ZPBP: variants seen among roughly 807,000 people sequenced by gnomAD.
ZPBP encodes the protein zona pellucida binding protein.
Under a neutral mutation model 44.8 loss-of-function variants are expected in ZPBP, and 26 were observed. That is an observed-to-expected ratio of 0.58 (90% CI 0.43 to 0.81). ZPBP has a LOEUF of 0.81. Among genes scored for constraint, ZPBP ranks in the 30% least tolerant of loss-of-function variants. The pLI, the probability that ZPBP is intolerant of heterozygous loss-of-function variation, is 0.00. For missense variants in ZPBP, 409 were observed against 434.0 expected, an observed-to-expected ratio of 0.94 and a Z score of 0.51; for synonymous variants, 174 against 153.2, an observed-to-expected ratio of 1.14 and a Z score of -1.00.
At chr7:49,852,083 C>T (rs1376845052) in intron 2 of ZPBP, among the ~76,000 whole-genome samples, 1 of 152,176 alleles carries the variant, frequency 6.6e-6, no homozygotes, top group Non-Finnish European at 1.5e-5. Context: ...GCTGGGAGCC[C>T]GACAGAGGCC....
chr7:50,065,743 G>C lies in ZPBP; in HGVS notation c.335-7602C>G, dbSNP rs752794165. On this transcript the variant is annotated intron_variant, in intron 3 of 7. Coordinates refer to ENST00000046087, the MANE Select transcript of ZPBP (RefSeq NM_007009.3). ...GAGCAAATATCGTTTTGGTTGATGG[G>C]AGAAGCTCAGGCACTGACTGATTAA... is the stretch of plus-strand genomic sequence containing the variant. Among the ~76,000 whole-genome samples, 5 of 150,932 alleles carry C rather than the reference G, an allele frequency of 3.3e-5. 1 individual carries two copies. Among genetic ancestry groups the C allele is most frequent in the Non-Finnish European group, 7.4e-5 (5 of 67,756 alleles).
intron 1 of ZPBP, among the ~76,000 whole-genome samples, chr7:49,907,920 T>C (rs1429784797): frequency 6.6e-6 from 1 of 152,140 alleles, no homozygotes; most frequent in East Asian, 1.9e-4. Flanking sequence ...TCAGAGCTCT[T>C]ATCAGACCTA....
intron 7 of ZPBP, chr7:49,943,354 G>A (rs1350130941): frequency 2.7e-5 from 9 of 335,072 alleles, no homozygotes; most frequent in Non-Finnish European, 5.2e-5. Context: ...AACCTGAACA[G>A]TCAATGAAGC....
At chr7:49,925,939 G>T (rs777863617) in intron 1 of ZPBP, among the ~76,000 whole-genome samples, 17 of 152,198 alleles carry the variant, frequency 1.1e-4, no homozygotes, top group Non-Finnish European at 2.1e-4. Context: ...GATTGTTGTG[G>T]GTAATTTGGA....
At chr7:49,882,660 TC>T (rs797016411) in intron 2 of ZPBP, among the ~76,000 whole-genome samples, 17 of 152,140 alleles carry the variant, frequency 1.1e-4, no homozygotes, top group African/African-American at 4.1e-4. Flanking sequence ...CTACGTCTCA[TC>T]CCTGGTGAGC....
chr7:49,851,078 G>A (rs1378294669), intron 2 of ZPBP, among the ~76,000 whole-genome samples: 2 of 152,170 alleles, frequency 1.3e-5, no homozygotes, highest in Admixed American at 6.5e-5. Context: ...TGGAGGTTCC[G>A]ACGGCTGCTC....
intron 6 of ZPBP, among the ~76,000 whole-genome samples, chr7:49,988,945 A>G (rs1797440725): frequency 6.6e-6 from 1 of 152,196 alleles, no homozygotes; most frequent in Non-Finnish European, 1.5e-5. Flanking sequence ...TGAGCTATTT[A>G]TGACCTTTAA....
At chr7:49,986,362 G>A (rs1797280129) in intron 6 of ZPBP, among the ~76,000 whole-genome samples, 1 of 152,150 alleles carries the variant, frequency 6.6e-6, no homozygotes, top group Non-Finnish European at 1.5e-5. Context: ...AGGCACCCAT[G>A]GGACTGAAAG....
At chr7:50,030,496 T>A (rs1489100056) in intron 5 of ZPBP, among the ~76,000 whole-genome samples, 1 of 112,220 alleles carries the variant, frequency 8.9e-6, no homozygotes. Flanking sequence ...AGAGAAATAA[T>A]AATTTAAAAA....
At chr7:49,854,633 A>C (rs1790341259) in intron 2 of ZPBP, among the ~76,000 whole-genome samples, 1 of 152,204 alleles carries the variant, frequency 6.6e-6, no homozygotes, top group Non-Finnish European at 1.5e-5. Flanking sequence ...AGATAAGTAG[A>C]TTGCAAAATT....
At chr7:49,970,198 C>A (rs1306180243) in intron 7 of ZPBP, among the ~76,000 whole-genome samples, 3 of 152,092 alleles carry the variant, frequency 2.0e-5, no homozygotes, top group Non-Finnish European at 4.4e-5. Flanking sequence ...AAATAATGAT[C>A]TCAATAGATG....
intron 6 of ZPBP, among the ~76,000 whole-genome samples, chr7:49,988,034 T>C (rs1333747300): frequency 1.3e-5 from 2 of 152,134 alleles, no homozygotes; most frequent in African/African-American, 4.8e-5. Context: ...ATTGTAAAAA[T>C]TAATCTTGCG....
chr7:49,944,240 G>A, intron 7 of ZPBP: 1 of 360,772 alleles, frequency 2.8e-6, no homozygotes, highest in Non-Finnish European at 5.3e-6. Context: ...TGTGCCAGAA[G>A]CCACCTTTGA....
intron 1 of ZPBP, chr7:49,911,923 G>GCA (rs10639154): frequency 0.036 from 12,484 of 346,214 alleles, 380 homozygotes; most frequent in Admixed American, 0.17. Flanking sequence ...ACAAATACAC[G>GCA]CACACACACA....
At chr7:49,924,810 G>C (rs183247312) in intron 1 of ZPBP, among the ~76,000 whole-genome samples, 12 of 152,138 alleles carry the variant, frequency 7.9e-5, no homozygotes, top group Admixed American at 2.0e-4. Flanking sequence ...GAAAGAAGGT[G>C]GTGGCTGCCC....
At chr7:49,865,275 A>T (rs1400229895) in intron 2 of ZPBP, among the ~76,000 whole-genome samples, 1 of 152,188 alleles carries the variant, frequency 6.6e-6, no homozygotes, top group Middle Eastern at 3.2e-3. Flanking sequence ...TGATCTCTGA[A>T]ATCTGAGTAC....
chr7:49,903,806 T>C (rs28834511), intron 1 of ZPBP, among the ~76,000 whole-genome samples: 4,370 of 151,580 alleles, frequency 0.029, 234 homozygotes, highest in African/African-American at 0.1. Flanking sequence ...GGAGCGGAGG[T>C]TTAATAGGCA....
At chr7:49,961,452 G>A (rs1243075217) in intron 7 of ZPBP, among the ~76,000 whole-genome samples, 1 of 152,122 alleles carries the variant, frequency 6.6e-6, no homozygotes, top group Non-Finnish European at 1.5e-5. Context: ...CTAGGAGTAG[G>A]TGTTGAGAGG....
intron 6 of ZPBP, among the ~76,000 whole-genome samples, chr7:49,998,472 T>C (rs1562833764): frequency 6.6e-6 from 1 of 152,188 alleles, no homozygotes; most frequent in African/African-American, 2.4e-5. Context: ...ATAAGAAATA[T>C]CATTGAATTC....
Sources: gnomAD v4.1 joint callset for allele counts (sites outside exome capture counted in the v4.1 genomes callset) on GRCh38, gnomAD v4.1.1 for gene constraint, MANE v1.5 for transcripts, NCBI Gene and HGNC (gene_info 2026-07-23, HGNC 2026-07-21) for gene names.